The following UBE4B variants were observed in gnomAD, a reference collection of about 807,000 sequenced individuals.
UBE4B encodes the protein ubiquitination factor E4B, also known as ubiquitin conjugation factor E4 B.
UBE4B carries 27 observed loss-of-function variants against 148.1 expected under a neutral mutation model. That is an observed-to-expected ratio of 0.18 (90% CI 0.13 to 0.25). The LOEUF (loss-of-function observed/expected upper bound fraction) is 0.25. UBE4B is among the 10% of genes least tolerant of loss of function. The pLI is 1.00. For missense variants in UBE4B, 1,170 were observed against 1,662.4 expected, an observed-to-expected ratio of 0.70 and a Z score of 5.15; for synonymous variants, 596 against 619.3, an observed-to-expected ratio of 0.96 and a Z score of 0.56.
At position 10,149,909 on chromosome 1, in the gene UBE4B, A is replaced by G. The variant is rs1035723300; in HGVS notation, c.2690+627A>G. Among the ~76,000 whole-genome samples, 4 of 152,162 alleles carry G rather than the reference A, an allele frequency of 2.6e-5. 1 individual carries two copies. The highest frequency in any genetic ancestry group is 9.7e-5 in the African/African-American group (4 of 41,438). ...GTGGCTCATGCTTGTAGTCCCAGAC[A>G]TGCAGGAGGATTGCTTGAGCCTAGT... On this transcript the variant is annotated intron_variant, in intron 20 of 27. Transcript: ENST00000343090.
chr1:10,179,325 G>T (rs1305065481), intron 26 of UBE4B, 91 bp from the exon 27 acceptor site: 70 of 1,527,642 alleles, frequency 4.6e-5, no homozygotes, highest in Non-Finnish European at 8.9e-7. Context: ...TGTTCCTTTG[G>T]ATAGATTTTT....
In UBE4B at chr1:10,159,679, C is replaced by T. The variant is rs983916192; in HGVS notation, c.3053+1197C>T. On this transcript the variant is annotated intron_variant, in intron 22 of 27. Coordinates refer to ENST00000343090, the MANE Select transcript of UBE4B (RefSeq NM_001105562.3). ...CAGCCTGGGCGACAGAGTGAGACTC[C>T]GTCTCAAATAAATAAATAAATAAAT... Among the ~76,000 whole-genome samples the T allele has an allele frequency of 4.6e-5, 7 of 150,808 alleles. No homozygotes were observed. In the South Asian group the frequency reaches 6.3e-4, roughly 14 times the overall value.
intron 5 of UBE4B, 56 bp downstream of exon 5, chr1:10,103,148 T>G (rs937685251): frequency 3.3e-6 from 5 of 1,502,984 alleles, no homozygotes; most frequent in Non-Finnish European, 4.5e-6. Flanking sequence ...AAATAAGATG[T>G]GAGATCTTTG....
intron 25 of UBE4B, among the ~76,000 whole-genome samples, chr1:10,173,375 G>A (rs561008264): frequency 4.9e-4 from 75 of 151,648 alleles, no homozygotes; most frequent in South Asian, 1.5e-3. Flanking sequence ...CCAGCTACTC[G>A]GGAGGCTGAG....
intron 1 of UBE4B, among the ~76,000 whole-genome samples, chr1:10,051,544 C>T (rs1304495433): frequency 6.6e-6 from 1 of 152,118 alleles, no homozygotes; most frequent in East Asian, 1.9e-4. Flanking sequence ...CTCCCCCGAC[C>T]CATTAGTTCC....
chr1:10,048,913 C>T (rs1435589483), intron 1 of UBE4B, among the ~76,000 whole-genome samples: 1 of 152,132 alleles, frequency 6.6e-6, no homozygotes, highest in Non-Finnish European at 1.5e-5. Context: ...TTAACTTTTC[C>T]CATTCTCTGC....
At chr1:10,112,635 A>G (rs1645240452) in intron 7 of UBE4B, among the ~76,000 whole-genome samples, 2 of 152,178 alleles carry the variant, frequency 1.3e-5, no homozygotes, top group Non-Finnish European at 2.9e-5. Context: ...CCTGACCTCA[A>G]GTGATCTGCC....
chr1:10,097,440 A>T (rs1644946513), intron 3 of UBE4B, among the ~76,000 whole-genome samples: 1 of 152,224 alleles, frequency 6.6e-6, no homozygotes, highest in Non-Finnish European at 1.5e-5. Context: ...GCTCACTCTT[A>T]TTCCACATTT....
chr1:10,174,822 GT>G (rs1221600177), intron 25 of UBE4B, among the ~76,000 whole-genome samples: 4 of 151,864 alleles, frequency 2.6e-5, no homozygotes, highest in Non-Finnish European at 5.9e-5. Flanking sequence ...TTACTTGATT[GT>G]TTTAGAAGAG....
intron 7 of UBE4B, 143 bp from the exon 8 acceptor site, chr1:10,117,316 G>A (rs776161247): frequency 1.8e-5 from 18 of 1,007,434 alleles, no homozygotes; most frequent in Non-Finnish European, 1.9e-5. Context: ...GAAACAAGCA[G>A]TCAGGGTGGA....
chr1:10,120,989 T>TA (rs1451483133), intron 9 of UBE4B, among the ~76,000 whole-genome samples: 1 of 152,160 alleles, frequency 6.6e-6, no homozygotes, highest in Non-Finnish European at 1.5e-5. Context: ...ACCAAAACTT[T>TA]AAAAAACGTT....
chr1:10,072,612 A>T (rs907057636), intron 2 of UBE4B: 2 of 660,636 alleles, frequency 3.0e-6, no homozygotes, highest in African/African-American at 3.7e-5. Context: ...CCTCGTCTTC[A>T]TTCTGCATTG....
In UBE4B at chr1:10,033,541, C is replaced by A; in HGVS notation, c.-130C>A. On this transcript the variant is annotated 5_prime_UTR_variant, in exon 1 of 28. Transcript: ENST00000343090. ...TCTTATTTTTTAACCTCTGACTATG[C>A]AATTCTGAAACCTCCCCCATTCGGG... is the stretch of plus-strand genomic sequence containing the variant. The A allele has an allele frequency of 8.7e-7, 1 of 1,146,178 alleles. No homozygotes were observed. The highest frequency in any genetic ancestry group is 1.2e-6 in the Non-Finnish European group (1 of 851,258). The allele number at this position is 1,146,178 out of a possible 1,614,324, so 71.0% of individuals were successfully genotyped here.
In UBE4B at chr1:10,040,847, T is replaced by C. The variant is rs541760555; in HGVS notation, c.24+7153T>C. 2.6e-5 allele frequency among the ~76,000 whole-genome samples: 4 copies of C among 152,080 alleles called. No homozygotes were observed. In the East Asian group the frequency reaches 7.7e-4, roughly 29 times the overall value. Reference sequence around the variant, plus strand: ...GTTGGCTTGGCGGGTCTCAAACTCTTGACCTTAGGTGATCTGCCTGCCTCA... The same window carrying C: ...GTTGGCTTGGCGGGTCTCAAACTCTCGACCTTAGGTGATCTGCCTGCCTCA... On this transcript the variant is annotated intron_variant, in intron 1 of 27. Transcript: ENST00000343090.
chr1:10,092,269 G>A (rs1177601315), intron 2 of UBE4B, among the ~76,000 whole-genome samples: 1 of 152,034 alleles, frequency 6.6e-6, no homozygotes, highest in Non-Finnish European at 1.5e-5. Context: ...CTGTCACCCA[G>A]GCCGGAGTGC....
At chr1:10,145,995 T>A (rs954834305) in intron 18 of UBE4B, among the ~76,000 whole-genome samples, 2 of 152,190 alleles carry the variant, frequency 1.3e-5, no homozygotes, top group Non-Finnish European at 2.9e-5. Flanking sequence ...TAGGATAATA[T>A]GTGGAAAGTT....
chr1:10,124,146 A>G (rs1273453641), intron 10 of UBE4B, among the ~76,000 whole-genome samples: 2 of 151,896 alleles, frequency 1.3e-5, no homozygotes, highest in Non-Finnish European at 2.9e-5. Context: ...ACCACCACAG[A>G]CCTGTTTATT....
intron 16 of UBE4B, among the ~76,000 whole-genome samples, chr1:10,136,792 G>A (rs1032363922): frequency 1.3e-5 from 2 of 151,968 alleles, no homozygotes; most frequent in Admixed American, 6.6e-5. Flanking sequence ...GGTAGCACAC[G>A]CCTGTAATCC....
At chr1:10,170,830 A>C (rs904021972) in intron 24 of UBE4B, 1 of 203,420 alleles carries the variant, frequency 4.9e-6, no homozygotes, top group African/African-American at 2.3e-5. Context: ...TTTCTCAATG[A>C]ATTTGGAGTG....
Sources: gnomAD v4.1 joint callset for allele counts (sites outside exome capture counted in the v4.1 genomes callset) on GRCh38, gnomAD v4.1.1 for gene constraint, MANE v1.5 for transcripts, NCBI Gene and HGNC (gene_info 2026-07-23, HGNC 2026-07-21) for gene names.